The following GON7 variants were observed in gnomAD, a reference collection of about 807,000 sequenced individuals.
GON7 encodes the protein GON7 subunit of KEOPS complex.
GON7 carries 2 observed loss-of-function variants against 7.6 expected under a neutral mutation model. The observed-to-expected ratio is 0.26, with a 90% CI of 0.11 to 0.83. The LOEUF (loss-of-function observed/expected upper bound fraction) is 0.83, where lower values mean the gene tolerates loss of function less well. Ranked by LOEUF, GON7 falls within the 40% of genes least tolerant of loss-of-function variation. GON7 has a pLI of 0.65. For missense variants in GON7, 121 were observed against 132.2 expected (o/e 0.92, Z 0.42); for synonymous variants, 54 against 56.6 (o/e 0.95, Z 0.20).
chr14:93,206,730 A>C, intron 1 of GON7, 100 bp downstream of exon 1: 1 of 1,261,756 alleles, frequency 7.9e-7, no homozygotes, highest in Non-Finnish European at 1.1e-6. Flanking sequence ...CTCGAGGCTC[A>C]CTTTGTCCAA....
chr14:93,206,437 T>C (rs1347258725), intron 1 of GON7, among the ~76,000 whole-genome samples: 1 of 152,180 alleles, frequency 6.6e-6, no homozygotes, highest in Non-Finnish European at 1.5e-5. Context: ...ATAGTAGGCA[T>C]TCGACACGTT....
rs2140092961 is a variant in GON7 at position 93,203,721 on chromosome 14, T to C, written c.270A>G (p.Gly90=). 1.9e-6 allele frequency: 3 copies of C among 1,614,132 alleles called. No homozygotes were observed. The highest frequency in any genetic ancestry group is 3.3e-4 in the Middle Eastern group (2 of 6,052). ...NNIDNRTNFD[G]PSAKRPKTPS ...GTGTTTTTGGCCGTTTTGCAGATGG[T>C]CCATCGAAGTTAGTTCTGTTATCAA... The change falls in exon 2 of 2, where the codon GGA becomes GGG. Residue 90 remains glycine (G), a synonymous_variant. Transcript: ENST00000306954.
In GON7 at chr14:93,206,957, G is replaced by A; in HGVS notation, c.81C>T (p.Gly27=). Residue 27 remains glycine, a synonymous_variant, in exon 1 of 2, where the codon GGC becomes GGT. Coordinates refer to ENST00000306954, the MANE Select transcript of GON7 (RefSeq NM_032490.5). ...CAGACAACAGGCCCTGGAAAGGGTC[G>A]CCGTCACCCGGCGCCTCACAGGACA... is the stretch of plus-strand genomic sequence containing the variant. ...LRVSCEAPGD[G]DPFQGLLSGV... is the part of the protein sequence containing the mutation. 3 of 1,614,198 alleles carry A rather than the reference G, an allele frequency of 1.9e-6. No individual in the cohort carries two copies. Among genetic ancestry groups the A allele is most frequent in the Non-Finnish European group, 2.5e-6 (3 of 1,180,034 alleles).
intron 1 of GON7, among the ~76,000 whole-genome samples, 174 bp downstream of exon 1, chr14:93,206,656 G>C (rs1244357232): frequency 2.6e-5 from 4 of 152,160 alleles, no homozygotes; most frequent in African/African-American, 9.7e-5. Flanking sequence ...AAAGTGCTGG[G>C]ATTACAGGCG....
intron 1 of GON7, among the ~76,000 whole-genome samples, chr14:93,204,101 T>C (rs1478318397): frequency 6.6e-6 from 1 of 152,170 alleles, no homozygotes; most frequent in Non-Finnish European, 1.5e-5. Context: ...GTTCAAGCGA[T>C]TCCTCTGTCT....
At chr14:93,203,860 T>G (rs1340726465) in intron 1 of GON7, 78 bp from the exon 2 acceptor site, 10 of 1,018,654 alleles carry the variant, frequency 9.8e-6, no homozygotes, top group Admixed American at 2.1e-5. Flanking sequence ...TGGTTGATAA[T>G]GAGACCATTT....
intron 1 of GON7, among the ~76,000 whole-genome samples, chr14:93,205,851 C>T (rs977222118): frequency 3.3e-5 from 5 of 152,114 alleles, no homozygotes; most frequent in African/African-American, 9.7e-5. Flanking sequence ...TCCTACTCTG[C>T]GATAGATTGT....
intron 1 of GON7, 85 bp downstream of exon 1, chr14:93,206,745 G>T: frequency 7.4e-7 from 1 of 1,352,252 alleles, no homozygotes; most frequent in Non-Finnish European, 1.0e-6. Flanking sequence ...GTCCAAGTCT[G>T]CCACTCTACA....
At chr14:93,204,154 C>G (rs759085461) in intron 1 of GON7, among the ~76,000 whole-genome samples, 18 of 152,232 alleles carry the variant, frequency 1.2e-4, no homozygotes, top group Non-Finnish European at 2.1e-4. Flanking sequence ...CGCTACCACG[C>G]CCGGCTAATT....
intron 1 of GON7, among the ~76,000 whole-genome samples, chr14:93,204,036 G>A (rs754635406): frequency 5.3e-5 from 8 of 150,732 alleles, no homozygotes; most frequent in African/African-American, 1.5e-4. Flanking sequence ...TTGCTCTGTC[G>A]CCAGGCTGGA....
rs1156733984 is a variant in GON7, at chr14:93,203,073, T to C, written c.*615A>G. 6.6e-6 allele frequency: 1 copy of C among 152,180 alleles called. No homozygotes were observed. Among genetic ancestry groups the C allele is most frequent in the Non-Finnish European group, 1.5e-5 (1 of 68,064 alleles). 9.4% of individuals were successfully genotyped at this position (152,180 alleles called of 1,614,324 possible). ...AGCACAAAAACATACCCCATCTGGCTCTCTTAAGGTACATGATAAATCAGA... is the reference window on the plus strand; with the variant it reads ...AGCACAAAAACATACCCCATCTGGCCCTCTTAAGGTACATGATAAATCAGA... On this transcript the variant is annotated 3_prime_UTR_variant, in exon 2 of 2. Coordinates refer to ENST00000306954, the MANE Select transcript of GON7 (RefSeq NM_032490.5).
Position 93,203,798 on chromosome 14 carries a change from T to C in GON7, c.209-16A>G. On this transcript the variant is annotated splice_polypyrimidine_tract_variant and intron_variant, in intron 1 of 1. Coordinates refer to ENST00000306954, the MANE Select transcript of GON7 (RefSeq NM_032490.5). ...TCATCATCACCTTTTAAAATAAATA[T>C]TTGTTGTATGACAATACGTTCTATG... The C allele has an allele frequency of 8.1e-6, 13 of 1,598,052 alleles. No individual in the cohort carries two copies. Among genetic ancestry groups the C allele is most frequent in the African/African-American group, 1.3e-5 (1 of 74,718 alleles).
chr14:93,206,969 C>A lies in GON7; in HGVS notation c.69G>T (p.Ala23=), dbSNP rs752342131. ...CCTGGAAAGGGTCGCCGTCACCCGGCGCCTCACAGGACACCCGCAGCTTCT... is the reference window on the plus strand; with the variant it reads ...CCTGGAAAGGGTCGCCGTCACCCGGAGCCTCACAGGACACCCGCAGCTTCT... The part of the protein sequence containing the change: ...KPQKLRVSCE[A]PGDGDPFQGL... The change falls in exon 1 of 2, where the codon GCG becomes GCT. Residue 23 remains alanine, a synonymous_variant. Transcript: ENST00000306954. The A allele has an allele frequency of 1.9e-6, 3 of 1,614,226 alleles. No homozygotes were observed. Among genetic ancestry groups the A allele is most frequent in the South Asian group, 1.1e-5 (1 of 91,092 alleles).
intron 1 of GON7, among the ~76,000 whole-genome samples, chr14:93,204,553 G>A (rs1019889476): frequency 6.6e-6 from 1 of 152,144 alleles, no homozygotes; most frequent in Non-Finnish European, 1.5e-5. Flanking sequence ...CTCTAGAGTA[G>A]CTGGGACTAC....
chr14:93,203,431 C>T lies in GON7; in HGVS notation c.*257G>A, dbSNP rs1384938960. ...ACAATGATAAAAATTCAGTTGCCAA[C>T]TTAGAGGATTTTATACATTATGAAG... is the stretch of plus-strand genomic sequence containing the variant. On this transcript the variant is annotated 3_prime_UTR_variant, in exon 2 of 2. Transcript: ENST00000306954. 2 of 392,178 alleles carry T rather than the reference C, an allele frequency of 5.1e-6. No homozygotes were observed. The highest frequency in any genetic ancestry group is 9.1e-6 in the Non-Finnish European group (2 of 220,252). 24.3% of individuals were successfully genotyped at this position (392,178 alleles called of 1,614,324 possible).
Position 93,206,929 on chromosome 14 carries a change from C to T in GON7, c.109G>A (p.Val37Met). 1 of 1,614,238 alleles carries T rather than the reference C, an allele frequency of 6.2e-7. No homozygotes were observed. Among genetic ancestry groups the T allele is most frequent in the Non-Finnish European group, 8.5e-7 (1 of 1,180,044 alleles). ...GDPFQGLLSGVAQMKDMVTEL... is the reference protein window; with the variant it reads ...GDPFQGLLSGMAQMKDMVTEL... ...GTTACCATGTCCTTCATCTGGGCCA[C>T]GCCAGACAACAGGCCCTGGAAAGGG... The change falls in exon 1 of 2, where the codon GTG becomes ATG. Residue 37 changes from valine (V) to methionine (M), a missense_variant. By Grantham distance (21) the Val-to-Met change is conservative. Coordinates refer to ENST00000306954, the MANE Select transcript of GON7 (RefSeq NM_032490.5).
At chr14:93,205,718 A>C (rs1894327758) in intron 1 of GON7, among the ~76,000 whole-genome samples, 1 of 152,170 alleles carries the variant, frequency 6.6e-6, no homozygotes, top group Admixed American at 6.5e-5. Flanking sequence ...AATTTTTTAA[A>C]AATAATGCAG....
intron 1 of GON7, among the ~76,000 whole-genome samples, chr14:93,204,872 T>A (rs1566817655): frequency 6.6e-6 from 1 of 152,140 alleles, no homozygotes; most frequent in Non-Finnish European, 1.5e-5. Context: ...GGCCTCACTC[T>A]GTCCTCCAGG....
chr14:93,205,504 C>T (rs931481942), intron 1 of GON7, among the ~76,000 whole-genome samples: 1 of 152,028 alleles, frequency 6.6e-6, no homozygotes, highest in South Asian at 2.1e-4. Context: ...CCTGTCTCTA[C>T]TAAAAATACA....
Sources: allele counts gnomAD v4.1 joint callset (sites outside exome capture counted in the v4.1 genomes callset), GRCh38; gene constraint gnomAD v4.1.1; transcripts MANE v1.5; gene names NCBI Gene and HGNC (gene_info 2026-07-23, HGNC 2026-07-21).